Variants in ABCC4 observed in about 807,000 individuals in gnomAD.
ABCC4 encodes ATP binding cassette subfamily C member 4 (PEL blood group), also known as ATP-binding cassette sub-family C member 4.
Under a neutral mutation model 168.5 loss-of-function variants are expected in ABCC4, and 102 were observed. The ratio of observed to expected loss-of-function variants is 0.61; its 90% CI spans 0.52 to 0.71. The LOEUF (loss-of-function observed/expected upper bound fraction) is 0.71, where lower values mean the gene tolerates loss of function less well. Among genes scored for constraint, ABCC4 ranks in the 30% least tolerant of loss-of-function variants. The pLI, the probability that ABCC4 is intolerant of heterozygous loss-of-function variation, is 0.00. For synonymous variants in ABCC4, 617 were observed against 590.7 expected (o/e 1.04, Z -0.65); for missense variants, 1,402 against 1,605.8 (o/e 0.87, Z 2.17).
intron 19 of ABCC4, among the ~76,000 whole-genome samples, chr13:95,144,598 A>G (rs141934002): frequency 6.0e-4 from 91 of 152,320 alleles, no homozygotes; most frequent in African/African-American, 2.0e-3. Context: ...ATTTCTATAC[A>G]CCACTAACAT....
chr13:95,096,115 GGGA>G (rs1321719221), intron 20 of ABCC4: 8 of 603,030 alleles, frequency 1.3e-5, no homozygotes, highest in Non-Finnish European at 2.1e-5. Flanking sequence ...TGCTTGAGGA[GGGA>G]GGAGGATTGC....
At chr13:95,177,379 G>A (rs568163965) in intron 13 of ABCC4, among the ~76,000 whole-genome samples, 8 of 152,088 alleles carry the variant, frequency 5.3e-5, no homozygotes, top group Non-Finnish European at 1.0e-4. Context: ...TCCTATCTCC[G>A]GGGCCTGGTC....
rs1472693785 is a variant in ABCC4, at chr13:95,134,695, G to A, written c.2456-18694C>T. Among the ~76,000 whole-genome samples the A allele has an allele frequency of 2.0e-5, 3 of 152,108 alleles. No individual in the cohort carries two copies. In the East Asian group the frequency reaches 5.8e-4, roughly 29 times the overall value. ...AGATCACACCACTGCACTCCAGCCTGGGTGACAGAGCAAGACTCTGTCTCA... is the reference window on the plus strand; with the variant it reads ...AGATCACACCACTGCACTCCAGCCTAGGTGACAGAGCAAGACTCTGTCTCA... On this transcript the variant is annotated intron_variant, in intron 19 of 30. Coordinates refer to ENST00000645237, the MANE Select transcript of ABCC4 (RefSeq NM_005845.5).
intron 4 of ABCC4, among the ~76,000 whole-genome samples, chr13:95,214,650 T>C (rs117882017): frequency 0.014 from 2,111 of 152,048 alleles, 34 homozygotes; most frequent in Middle Eastern, 0.024. Context: ...CTTTGGGTGG[T>C]TGAGGCGGGC....
chr13:95,289,914 T>C (rs1449562314), intron 1 of ABCC4, among the ~76,000 whole-genome samples: 24 of 151,970 alleles, frequency 1.6e-4, no homozygotes, highest in Admixed American at 1.4e-3. Context: ...CTGGCCAACA[T>C]GGAGAAACCC....
At chr13:95,078,495 C>T (rs2033984680) in intron 21 of ABCC4, among the ~76,000 whole-genome samples, 2 of 152,208 alleles carry the variant, frequency 1.3e-5, no homozygotes, top group Admixed American at 1.3e-4. Context: ...TTTGTGTCAG[C>T]TCTCTATAAC....
chr13:95,148,258 C>T (rs116184165), intron 19 of ABCC4, among the ~76,000 whole-genome samples: 226 of 152,170 alleles, frequency 1.5e-3, no homozygotes, highest in Middle Eastern at 0.01. Flanking sequence ...TTAATATCAT[C>T]GCCATACTAC....
intron 30 of ABCC4, among the ~76,000 whole-genome samples, chr13:95,024,383 C>T (rs1337656132): frequency 6.6e-6 from 1 of 152,054 alleles, no homozygotes; most frequent in African/African-American, 2.4e-5. Flanking sequence ...GAAACCTTGT[C>T]CCTCTTTTCC....
intron 13 of ABCC4, among the ~76,000 whole-genome samples, chr13:95,176,658 G>T (rs1215253998): frequency 1.3e-5 from 2 of 152,132 alleles, no homozygotes; most frequent in East Asian, 1.9e-4. Context: ...GCCCAGCATG[G>T]GTGCTTATCT....
At chr13:95,271,286 T>C (rs997071321) in intron 1 of ABCC4, among the ~76,000 whole-genome samples, 4 of 152,148 alleles carry the variant, frequency 2.6e-5, no homozygotes, top group African/African-American at 9.7e-5. Flanking sequence ...TGCAATGTGA[T>C]AGGGGCTGGC....
At chr13:95,273,848 T>A (rs7999418) in intron 1 of ABCC4, among the ~76,000 whole-genome samples, 4 of 142,248 alleles carry the variant, frequency 2.8e-5, no homozygotes, top group African/African-American at 1.1e-4. Context: ...GACGGAGTCT[T>A]GCTGTTGCCC....
chr13:95,226,868 C>T (rs562991879), intron 4 of ABCC4, among the ~76,000 whole-genome samples: 12 of 152,270 alleles, frequency 7.9e-5, no homozygotes, highest in African/African-American at 2.9e-4. Context: ...GGATTAAACC[C>T]GCAACCCATA....
chr13:95,033,795 G>A lies in ABCC4; in HGVS notation c.3870+810C>T, dbSNP rs139677235. Among the ~76,000 whole-genome samples, 202 of 152,010 alleles carry A rather than the reference G, an allele frequency of 1.3e-3. 3 individuals carry two copies. The highest frequency in any genetic ancestry group is 4.3e-3 in the African/African-American group (179 of 41,472). The stretch of plus-strand genomic sequence containing the variant: ...CTTCTGCCTAGCCTCCTGAGTAGCT[G>A]GGGTTACAGGCATGTGCTACCACTC... On this transcript the variant is annotated intron_variant, in intron 30 of 30. Coordinates refer to ENST00000645237, the MANE Select transcript of ABCC4 (RefSeq NM_005845.5).
At chr13:95,022,166 C>A (rs2031127354) in intron 30 of ABCC4, among the ~76,000 whole-genome samples, 3 of 152,154 alleles carry the variant, frequency 2.0e-5, no homozygotes, top group Admixed American at 2.0e-4. Flanking sequence ...ACGTATGAAA[C>A]ATCCCGGCGT....
At chr13:95,200,707 G>A (rs1291995600) in intron 8 of ABCC4, among the ~76,000 whole-genome samples, 1 of 152,110 alleles carries the variant, frequency 6.6e-6, no homozygotes, top group Non-Finnish European at 1.5e-5. Context: ...GTGACAGAGC[G>A]AGACGCCGTC....
chr13:95,046,508 T>C (rs1010661937), intron 27 of ABCC4, among the ~76,000 whole-genome samples: 1 of 152,200 alleles, frequency 6.6e-6, no homozygotes, highest in African/African-American at 2.4e-5. Context: ...CTCATGCCTG[T>C]AATCCCAGCA....
intron 20 of ABCC4, among the ~76,000 whole-genome samples, chr13:95,089,559 C>A (rs929974054): frequency 6.6e-6 from 1 of 152,082 alleles, no homozygotes; most frequent in African/African-American, 2.4e-5. Context: ...TGAGATCACG[C>A]CACTGCACTC....
chr13:95,049,158 AC>A (rs1212644362), intron 27 of ABCC4, among the ~76,000 whole-genome samples: 2 of 151,342 alleles, frequency 1.3e-5, no homozygotes, highest in African/African-American at 2.4e-5. Flanking sequence ...ACATGGCAAA[AC>A]CCTGTCTCTA....
chr13:95,140,123 A>C lies in ABCC4; in HGVS notation c.2455+21066T>G, dbSNP rs1432853494. Among the ~76,000 whole-genome samples the C allele has an allele frequency of 2.6e-5, 4 of 152,270 alleles. No individual in the cohort carries two copies. The East Asian group carries it at 7.7e-4, about 29-fold the overall frequency. On this transcript the variant is annotated intron_variant, in intron 19 of 30. Transcript: ENST00000645237. ...GCTTCTTCCAAAAGTCTCCTCACTC[A>C]TGATGTCAACCACTGAAAACCTGAA...
Sources: gnomAD v4.1 joint callset for allele counts (sites outside exome capture counted in the v4.1 genomes callset) on GRCh38, gnomAD v4.1.1 for gene constraint, MANE v1.5 for transcripts, NCBI Gene and HGNC (gene_info 2026-07-23, HGNC 2026-07-21) for gene names.